The following GMDS variants were observed in gnomAD, a reference collection of about 807,000 sequenced individuals.
The protein encoded by GMDS is GDP-mannose 4,6 dehydratase.
Under a neutral mutation model 49.9 loss-of-function variants are expected in GMDS, and 20 were observed. The observed-to-expected ratio is 0.40, with a 90% CI of 0.28 to 0.58. The LOEUF is 0.58. Ranked by LOEUF, GMDS falls within the 20% of genes least tolerant of loss-of-function variation. The pLI is 0.42. For missense variants in GMDS, 362 were observed against 481.4 expected, an observed-to-expected ratio of 0.75 and a Z score of 2.32; for synonymous variants, 177 against 178.6, an observed-to-expected ratio of 0.99 and a Z score of 0.07.
At chr6:1,818,586 G>T (rs1412183090) in intron 7 of GMDS, among the ~76,000 whole-genome samples, 2 of 149,056 alleles carry the variant, frequency 1.3e-5, no homozygotes, top group African/African-American at 5.0e-5. Context: ...CTAGCCTGGG[G>T]GACAAGAGTG....
rs1375792578 is a variant in GMDS, at chr6:1,635,071, C to T, written c.988-10531G>A. Among the ~76,000 whole-genome samples the T allele has an allele frequency of 6.6e-6, 1 of 152,218 alleles. No homozygotes were observed. Among genetic ancestry groups the T allele is most frequent in the Non-Finnish European group, 1.5e-5 (1 of 68,038 alleles). On this transcript the variant is annotated intron_variant, in intron 9 of 10. Coordinates refer to ENST00000380815, the MANE Select transcript of GMDS (RefSeq NM_001500.4). The surrounding 1 kb of genome is among the most constrained non-coding windows in gnomAD (Gnocchi z 4.7). Reference sequence around the variant, plus strand: ...TCTCACCACAGCCCTGCCAGCATTACGTGTCATCTCCTTTTTCACGATTTC... The same window carrying T: ...TCTCACCACAGCCCTGCCAGCATTATGTGTCATCTCCTTTTTCACGATTTC...
At chr6:2,199,282 A>G (rs766509917) in intron 1 of GMDS, among the ~76,000 whole-genome samples, 2 of 152,234 alleles carry the variant, frequency 1.3e-5, no homozygotes, top group African/African-American at 2.4e-5. Context: ...GCAACAAAGT[A>G]TTATACTCAA....
At chr6:1,899,385 C>T (rs768568054) in intron 7 of GMDS, among the ~76,000 whole-genome samples, 33 of 151,972 alleles carry the variant, frequency 2.2e-4, no homozygotes, top group African/African-American at 5.3e-4. Flanking sequence ...AATGTAAGAC[C>T]GTGGTCCCCA....
intron 4 of GMDS, among the ~76,000 whole-genome samples, chr6:1,990,761 G>A (rs573158363): frequency 4.5e-4 from 68 of 150,608 alleles, no homozygotes; most frequent in Middle Eastern, 3.4e-3. Context: ...TTTTTGGGGG[G>A]GTAGAGGCAG....
intron 2 of GMDS, among the ~76,000 whole-genome samples, chr6:2,119,264 G>A (rs1472171694): frequency 1.3e-5 from 2 of 151,954 alleles, no homozygotes; most frequent in Non-Finnish European, 2.9e-5. Flanking sequence ...AAAAAGCTTT[G>A]ACAAAAATAT....
chr6:1,967,945 T>G (rs1405919175), intron 4 of GMDS, among the ~76,000 whole-genome samples: 1 of 152,232 alleles, frequency 6.6e-6, no homozygotes, highest in African/African-American at 2.4e-5. Context: ...ATATAGATGC[T>G]GAAAGTTCAC....
At chr6:1,844,068 G>A (rs1210925740) in intron 7 of GMDS, among the ~76,000 whole-genome samples, 5 of 152,102 alleles carry the variant, frequency 3.3e-5, no homozygotes, top group South Asian at 2.1e-4. Context: ...TACTACTTAC[G>A]GAATATCTAT....
At chr6:1,826,487 T>C (rs981154778) in intron 7 of GMDS, among the ~76,000 whole-genome samples, 1 of 152,184 alleles carries the variant, frequency 6.6e-6, no homozygotes, top group Non-Finnish European at 1.5e-5. Flanking sequence ...TGCTTAAAAG[T>C]TTGTTGTAGG....
intron 7 of GMDS, among the ~76,000 whole-genome samples, chr6:1,768,581 C>A (rs568011108): frequency 2.0e-5 from 3 of 152,124 alleles, no homozygotes; most frequent in Admixed American, 6.5e-5. Flanking sequence ...GGTTGAGTAC[C>A]CCAATCCAAA....
At chr6:2,041,891 T>C (rs1005617407) in intron 4 of GMDS, among the ~76,000 whole-genome samples, 7 of 152,180 alleles carry the variant, frequency 4.6e-5, no homozygotes, top group East Asian at 1.9e-4. Flanking sequence ...AAAGAAGATA[T>C]GTGTCCAAGA....
intron 7 of GMDS, among the ~76,000 whole-genome samples, chr6:1,929,651 A>G (rs74721588): frequency 0.016 from 1,969 of 126,286 alleles, 34 homozygotes; most frequent in African/African-American, 0.046. Flanking sequence ...CAGACTCTTC[A>G]GCAGCAGAAA....
intron 7 of GMDS, among the ~76,000 whole-genome samples, chr6:1,812,268 C>T (rs540323797): frequency 1.3e-4 from 20 of 152,154 alleles, no homozygotes; most frequent in African/African-American, 4.1e-4. Context: ...CACAGGACTC[C>T]GAGCACAGAG....
intron 7 of GMDS, among the ~76,000 whole-genome samples, chr6:1,782,481 A>G (rs868517388): frequency 1.3e-4 from 20 of 152,376 alleles, no homozygotes; most frequent in South Asian, 6.2e-4. Flanking sequence ...CCAAGCCTTA[A>G]GACCAACTTT....
chr6:1,858,302 C>T (rs3800100), intron 7 of GMDS, among the ~76,000 whole-genome samples: 404 of 152,130 alleles, frequency 2.7e-3, no homozygotes, highest in African/African-American at 8.8e-3. Context: ...GGTTAACAAT[C>T]GCTATTTTTA....
chr6:1,768,860 T>G (rs1005131357), intron 7 of GMDS, among the ~76,000 whole-genome samples: 3 of 152,242 alleles, frequency 2.0e-5, no homozygotes, highest in Non-Finnish European at 4.4e-5. Flanking sequence ...CAACTCCTAT[T>G]TAACTACTGA....
intron 1 of GMDS, among the ~76,000 whole-genome samples, chr6:2,216,186 G>A (rs907927066): frequency 1.3e-5 from 2 of 152,270 alleles, no homozygotes; most frequent in Non-Finnish European, 2.9e-5. Flanking sequence ...AAAGATTTTA[G>A]ATTAAATAGT....
intron 9 of GMDS, among the ~76,000 whole-genome samples, chr6:1,672,331 G>A (rs1764458001): frequency 6.6e-6 from 1 of 152,188 alleles, no homozygotes; most frequent in African/African-American, 2.4e-5. Flanking sequence ...GAGAAAAGTG[G>A]GTAGCTATGA....
chr6:1,768,569 C>T (rs1361683111), intron 7 of GMDS, among the ~76,000 whole-genome samples: 1 of 152,202 alleles, frequency 6.6e-6, no homozygotes, highest in African/African-American at 2.4e-5. Flanking sequence ...ACATAATATA[C>T]AGGTTGAGTA....
chr6:1,944,866 G>A (rs1337045174), intron 6 of GMDS, among the ~76,000 whole-genome samples: 1 of 152,100 alleles, frequency 6.6e-6, no homozygotes, highest in Non-Finnish European at 1.5e-5. Flanking sequence ...CCTTCCACAA[G>A]AATCTTAGTT....
Sources: allele counts gnomAD v4.1 joint callset (sites outside exome capture counted in the v4.1 genomes callset), GRCh38; gene constraint gnomAD v4.1.1; non-coding constraint Gnocchi (gnomAD v3.1); transcripts MANE v1.5; gene names NCBI Gene and HGNC (gene_info 2026-07-23, HGNC 2026-07-21).